Variants in SCFD2 observed in about 807,000 individuals in gnomAD.
SCFD2 encodes the protein sec1 family domain-containing protein 2.
In SCFD2, 54 loss-of-function variants were observed where a neutral mutation model predicts 58.9. The ratio of observed to expected loss-of-function variants is 0.92; its 90% CI spans 0.74 to 1.15. The LOEUF (loss-of-function observed/expected upper bound fraction) is 1.15, where lower values mean the gene tolerates loss of function less well. Among genes scored for constraint, SCFD2 ranks in the 50% most tolerant of loss-of-function variants. The pLI is 0.00. For missense variants in SCFD2, 805 were observed against 836.6 expected, an observed-to-expected ratio of 0.96 and a Z score of 0.47; for synonymous variants, 321 against 335.9, an observed-to-expected ratio of 0.96 and a Z score of 0.49.
chr4:53,081,420 C>G (rs566800475), intron 5 of SCFD2, among the ~76,000 whole-genome samples: 4 of 152,174 alleles, frequency 2.6e-5, no homozygotes, highest in Non-Finnish European at 4.4e-5. Context: ...TTCTACTAGT[C>G]CACAATGTCC....
chr4:53,038,882 G>A (rs1722828426), intron 5 of SCFD2, among the ~76,000 whole-genome samples: 2 of 152,050 alleles, frequency 1.3e-5, no homozygotes, highest in South Asian at 4.2e-4. Flanking sequence ...AGAGATGGTG[G>A]ATCTCACTTT....
chr4:53,299,052 A>T (rs1577945289), intron 3 of SCFD2, among the ~76,000 whole-genome samples: 1 of 152,230 alleles, frequency 6.6e-6, no homozygotes, highest in East Asian at 1.9e-4. Context: ...ACTCCTCCAA[A>T]GGAATGCAGC....
intron 8 of SCFD2, among the ~76,000 whole-genome samples, chr4:52,874,648 G>T (rs1718430554): frequency 6.6e-6 from 1 of 152,142 alleles, no homozygotes; most frequent in East Asian, 1.9e-4. Flanking sequence ...ACCTTCTAAG[G>T]GCTGCGAGGG....
intron 5 of SCFD2, among the ~76,000 whole-genome samples, chr4:52,940,558 G>T (rs1720266946): frequency 6.6e-6 from 1 of 152,210 alleles, no homozygotes; most frequent in Non-Finnish European, 1.5e-5. Flanking sequence ...GACCTGGGAG[G>T]ACTCTTGTAA....
intron 6 of SCFD2, among the ~76,000 whole-genome samples, chr4:52,911,246 A>C (rs1278507207): frequency 6.6e-6 from 1 of 152,236 alleles, no homozygotes; most frequent in Non-Finnish European, 1.5e-5. Context: ...CCTGTGACCC[A>C]GTGTAGACTG....
In SCFD2 at chr4:53,352,669, TATC is replaced by T; in HGVS notation, c.933_935del (p.Met311del). The T allele has an allele frequency of 6.2e-7, 1 of 1,614,052 alleles. No homozygotes were observed. Among genetic ancestry groups the T allele is most frequent in the Non-Finnish European group, 8.5e-7 (1 of 1,179,904 alleles). On this transcript the variant is annotated inframe_deletion, in exon 2 of 9. Transcript: ENST00000401642. ...CCTCAGTATGGAGTGCAGTGAGCGC[TATC>T]ATGTTAACCATCACATCATTTGTGT... is the stretch of plus-strand genomic sequence containing the variant.
chr4:53,299,760 T>A (rs1447371646), intron 3 of SCFD2, among the ~76,000 whole-genome samples: 4 of 152,146 alleles, frequency 2.6e-5, no homozygotes, highest in South Asian at 2.1e-4. Context: ...CGCCAGAAAC[T>A]CTACAAGCCA....
chr4:53,352,088 T>G (rs551569615), intron 2 of SCFD2, among the ~76,000 whole-genome samples: 1 of 152,188 alleles, frequency 6.6e-6, no homozygotes, highest in African/African-American at 2.4e-5. Flanking sequence ...TTTTTTAAAC[T>G]CTGCATAACA....
chr4:53,121,222 C>A (rs1221198683), intron 5 of SCFD2, among the ~76,000 whole-genome samples: 1 of 152,026 alleles, frequency 6.6e-6, no homozygotes, highest in African/African-American at 2.4e-5. Flanking sequence ...AAAGCAGAGG[C>A]CATAAACTCC....
intron 5 of SCFD2, among the ~76,000 whole-genome samples, chr4:52,929,122 C>T (rs546876899): frequency 8.7e-4 from 132 of 152,208 alleles, no homozygotes; most frequent in Non-Finnish European, 1.5e-3. Context: ...CTAAACTATA[C>T]GTGGTTTAGG....
chr4:52,907,719 T>C, intron 6 of SCFD2, 128 bp from the exon 7 acceptor site: 2 of 679,360 alleles, frequency 2.9e-6, no homozygotes, highest in East Asian at 5.4e-5. Context: ...TGTGTGTGTG[T>C]GTGTGTGTGT....
chr4:53,124,689 A>T (rs192667581), intron 5 of SCFD2, among the ~76,000 whole-genome samples: 33 of 152,352 alleles, frequency 2.2e-4, no homozygotes, highest in African/African-American at 7.5e-4. Flanking sequence ...TCCTAGAACC[A>T]GGTCTAGACC....
intron 5 of SCFD2, among the ~76,000 whole-genome samples, chr4:53,101,029 G>A (rs767214077): frequency 2.6e-5 from 4 of 152,112 alleles, no homozygotes; most frequent in Non-Finnish European, 5.9e-5. Context: ...TGCGTCGATG[G>A]AGACAGAAAA....
chr4:53,361,974 G>A (rs1578005379), intron 1 of SCFD2, among the ~76,000 whole-genome samples: 1 of 151,892 alleles, frequency 6.6e-6, no homozygotes, highest in African/African-American at 2.4e-5. Context: ...CTACTGTTTT[G>A]AAGGTACTCT....
intron 7 of SCFD2, among the ~76,000 whole-genome samples, chr4:52,897,601 C>T (rs911181221): frequency 1.2e-4 from 19 of 152,110 alleles, no homozygotes; most frequent in African/African-American, 4.1e-4. Flanking sequence ...TCATCAAGGA[C>T]ATTGGTCTAA....
intron 5 of SCFD2, among the ~76,000 whole-genome samples, chr4:52,923,173 C>T (rs1719780986): frequency 6.6e-6 from 1 of 151,980 alleles, no homozygotes; most frequent in African/African-American, 2.4e-5. Flanking sequence ...AATGTCCAAC[C>T]CATTGCCATG....
intron 4 of SCFD2, among the ~76,000 whole-genome samples, chr4:53,201,013 A>C (rs1430870646): frequency 6.9e-6 from 1 of 145,004 alleles, no homozygotes; most frequent in African/African-American, 2.5e-5. Flanking sequence ...AATTTAATTT[A>C]ATTTTTTAAA....
chr4:53,031,795 C>A (rs948755737), intron 5 of SCFD2, among the ~76,000 whole-genome samples: 2 of 152,062 alleles, frequency 1.3e-5, no homozygotes, highest in African/African-American at 4.8e-5. Context: ...GGTGAAAAGA[C>A]CAAATCTATG....
In SCFD2 at chr4:53,242,333, C is replaced by T. The variant is rs539898408; in HGVS notation, c.1311+31493G>A. Among the ~76,000 whole-genome samples the T allele has an allele frequency of 2.0e-5, 3 of 152,228 alleles. No homozygotes were observed. In the East Asian group the frequency reaches 5.8e-4, roughly 29 times the overall value. On this transcript the variant is annotated intron_variant, in intron 4 of 8. Transcript: ENST00000401642. The stretch of plus-strand genomic sequence containing the variant: ...AAAGCCAGTGCCAATACCAGTCACC[C>T]GAAGTTAGAACACACAAGCTTGGAC...
Sources: allele counts gnomAD v4.1 joint callset (sites outside exome capture counted in the v4.1 genomes callset), GRCh38; gene constraint gnomAD v4.1.1; transcripts MANE v1.5; gene names NCBI Gene and HGNC (gene_info 2026-07-23, HGNC 2026-07-21).